The following DGKB variants were observed in gnomAD, a reference collection of about 807,000 sequenced individuals.
The protein encoded by DGKB is 90 kDa diacylglycerol kinase.
In DGKB, 67 loss-of-function variants were observed where a neutral mutation model predicts 114.3. That is an observed-to-expected ratio of 0.59 (90% CI 0.48 to 0.72). DGKB has a LOEUF of 0.72. Ranked by LOEUF, DGKB falls within the 30% of genes least tolerant of loss-of-function variation. The pLI is 0.00. For missense variants in DGKB, 907 were observed against 975.2 expected, an observed-to-expected ratio of 0.93 and a Z score of 0.93; for synonymous variants, 398 against 323.1, an observed-to-expected ratio of 1.23 and a Z score of -2.49.
intron 20 of DGKB, among the ~76,000 whole-genome samples, chr7:14,552,401 G>T (rs890264347): frequency 6.6e-6 from 1 of 152,180 alleles, no homozygotes; most frequent in African/African-American, 2.4e-5. Flanking sequence ...TACACTGTCA[G>T]AAGTAGTTAA....
chr7:14,875,847 C>T (rs1853202459), intron 1 of DGKB, among the ~76,000 whole-genome samples: 2 of 151,826 alleles, frequency 1.3e-5, no homozygotes, highest in South Asian at 4.1e-4. Flanking sequence ...TGTGGTTCAT[C>T]AGCTGTCATT....
At position 14,940,679 on chromosome 7, in the gene DGKB, A is replaced by G. The variant is rs1785524956; in HGVS notation, c.-188+34017T>C. Among the ~76,000 whole-genome samples, 5 of 152,284 alleles carry G rather than the reference A, an allele frequency of 3.3e-5. 1 individual carries two copies. The South Asian group carries it at 1.0e-3, about 32-fold the overall frequency. On this transcript the variant is annotated intron_variant, in intron 1 of 4. Transcript: ENST00000437998. Reference sequence around the variant, plus strand: ...AAAGACTATATACTCAGATAATATAATAATTTACATGCATAAGAATGTGTA... The same window carrying G: ...AAAGACTATATACTCAGATAATATAGTAATTTACATGCATAAGAATGTGTA...
At chr7:14,345,196 G>T in intron 22 of DGKB, 105 bp downstream of exon 22, 2 of 626,680 alleles carry the variant, frequency 3.2e-6, no homozygotes, top group South Asian at 4.1e-5. Flanking sequence ...AGTCTCTGTG[G>T]ATTGCTAATA....
intron 8 of DGKB, among the ~76,000 whole-genome samples, chr7:14,697,681 G>C (rs951586908): frequency 7.9e-6 from 1 of 127,076 alleles, no homozygotes; most frequent in African/African-American, 3.1e-5. Flanking sequence ...AGAAAGAAAA[G>C]AAAAGGAAGG....
chr7:14,668,106 A>G (rs1170607869), intron 13 of DGKB, among the ~76,000 whole-genome samples: 1 of 152,052 alleles, frequency 6.6e-6, no homozygotes, highest in African/African-American at 2.4e-5. Context: ...AGAGGGACTT[A>G]TAATATTTGC....
At chr7:14,357,708 T>C (rs1445714924) in intron 21 of DGKB, among the ~76,000 whole-genome samples, 1 of 152,204 alleles carries the variant, frequency 6.6e-6, no homozygotes, top group African/African-American at 2.4e-5. Context: ...TCTTTATAAT[T>C]TGACATGTTT....
intron 23 of DGKB, among the ~76,000 whole-genome samples, chr7:14,307,724 A>G (rs1804719383): frequency 6.6e-6 from 1 of 152,204 alleles, no homozygotes; most frequent in Admixed American, 6.5e-5. Flanking sequence ...ATACATTGCT[A>G]AGTATATAGT....
chr7:14,787,436 A>G (rs888728562), intron 2 of DGKB, among the ~76,000 whole-genome samples: 2 of 152,190 alleles, frequency 1.3e-5, no homozygotes, highest in African/African-American at 2.4e-5. Context: ...TGTTAATTCC[A>G]TAAGTTAGCT....
intron 20 of DGKB, among the ~76,000 whole-genome samples, chr7:14,489,313 G>A (rs374128069): frequency 9.8e-4 from 149 of 152,202 alleles, no homozygotes; most frequent in African/African-American, 3.2e-3. Flanking sequence ...TCAAGTCAAT[G>A]TAATATATTT....
intron 17 of DGKB, among the ~76,000 whole-genome samples, chr7:14,600,897 A>C (rs1040734271): frequency 6.6e-6 from 1 of 152,164 alleles, no homozygotes; most frequent in Admixed American, 6.5e-5. Flanking sequence ...GAATGCCAAC[A>C]GCTCTCTCAG....
intron 23 of DGKB, among the ~76,000 whole-genome samples, chr7:14,221,628 T>G (rs1789990295): frequency 6.6e-6 from 1 of 151,508 alleles, no homozygotes; most frequent in South Asian, 2.1e-4. Flanking sequence ...GTCTGTTATA[T>G]TCTTTTCTTG....
chr7:14,694,171 T>G lies in DGKB; in HGVS notation c.615A>C (p.Glu205Asp). The G allele has an allele frequency of 6.3e-7, 1 of 1,578,560 alleles. No individual in the cohort carries two copies. The highest frequency in any genetic ancestry group is 1.3e-5 in the African/African-American group (1 of 74,624). The part of the protein sequence containing the change: ...LNPILHEMME[E>D]IDYDHDGTVS... ...CGGTTCCATCATGATCATAGTCAAT[T>G]TCTTCCATCATTTCATGGAGGATCT... is the stretch of plus-strand genomic sequence containing the variant. The change falls in exon 9 of 26, where the codon GAA (glutamate) becomes GAC (aspartate). Residue 205 changes from glutamate to aspartate, a missense_variant. By Grantham distance (45) the Glu-to-Asp change is conservative (BLOSUM62 2). Around this residue, in one of 3 missense-constraint regions of DGKB, gnomAD observed 814 missense variants for 856.6 expected, o/e 0.95. Transcript: ENST00000402815.
chr7:14,691,597 A>C (rs1025970549), intron 9 of DGKB, among the ~76,000 whole-genome samples: 2 of 152,222 alleles, frequency 1.3e-5, no homozygotes, highest in Non-Finnish European at 2.9e-5. Flanking sequence ...TCTTTCTAAC[A>C]AATAGATGCT....
chr7:14,195,833 C>T (rs541766545), intron 23 of DGKB, among the ~76,000 whole-genome samples: 25 of 152,216 alleles, frequency 1.6e-4, no homozygotes, highest in Admixed American at 1.2e-3. Context: ...TTTCTGGTAT[C>T]CAATTTACCC....
chr7:14,575,286 T>C (rs1424839198), intron 19 of DGKB, among the ~76,000 whole-genome samples: 1 of 152,226 alleles, frequency 6.6e-6, no homozygotes, highest in African/African-American at 2.4e-5. Flanking sequence ...TCATTACTTG[T>C]GTTTTTCTCA....
chr7:14,190,672 A>G (rs1338859916), intron 23 of DGKB: 3 of 152,170 alleles, frequency 2.0e-5, no homozygotes, highest in African/African-American at 4.8e-5. Flanking sequence ...TAAAAAAAAG[A>G]AAGAAGACTC....
chr7:14,269,608 C>A (rs1444926344), intron 23 of DGKB, among the ~76,000 whole-genome samples: 1 of 152,152 alleles, frequency 6.6e-6, no homozygotes, highest in Non-Finnish European at 1.5e-5. Context: ...TCTCAGAATG[C>A]AACCTTATAT....
intron 20 of DGKB, among the ~76,000 whole-genome samples, chr7:14,563,644 T>G (rs1350342846): frequency 5.8e-5 from 2 of 34,622 alleles, no homozygotes; most frequent in African/African-American, 1.8e-4. Flanking sequence ...TACAACTCTG[T>G]TTTTTTTTTT....
intron 15 of DGKB, among the ~76,000 whole-genome samples, chr7:14,616,219 C>T (rs1024128196): frequency 6.8e-6 from 1 of 147,182 alleles, no homozygotes; most frequent in Non-Finnish European, 1.5e-5. Flanking sequence ...ATATAATATA[C>T]ATATATACAT....
Sources: allele counts gnomAD v4.1 joint callset (sites outside exome capture counted in the v4.1 genomes callset), GRCh38; gene constraint gnomAD v4.1.1; regional missense constraint gnomAD v4.1.1; transcripts MANE v1.5; gene names NCBI Gene and HGNC (gene_info 2026-07-23, HGNC 2026-07-21).